RNF217: variants seen among roughly 807,000 people sequenced by gnomAD.
RNF217 encodes E3 ubiquitin-protein ligase RNF217.
RNF217 carries 31 observed loss-of-function variants against 57.8 expected under a neutral mutation model. The observed-to-expected ratio is 0.54, with a 90% CI of 0.40 to 0.72. The LOEUF (loss-of-function observed/expected upper bound fraction) is 0.72, where lower values mean the gene tolerates loss of function less well. RNF217 is among the 30% of genes least tolerant of loss of function. RNF217 has a pLI of 0.00. For missense variants in RNF217, 696 were observed against 708.3 expected (o/e 0.98, Z 0.20); for synonymous variants, 313 against 294.0 (o/e 1.06, Z -0.66).
At chr6:125,049,146 G>A (rs966411286) in intron 2 of RNF217, among the ~76,000 whole-genome samples, 19 of 152,012 alleles carry the variant, frequency 1.2e-4, no homozygotes, top group Middle Eastern at 3.4e-3. Context: ...AACAGCAACC[G>A]CTTATCAATA....
At chr6:125,007,822 A>G (rs1785248666) in intron 1 of RNF217, among the ~76,000 whole-genome samples, 1 of 152,350 alleles carries the variant, frequency 6.6e-6, no homozygotes, top group South Asian at 2.1e-4. Context: ...GTGGATACCT[A>G]AAATCATGGA....
chr6:125,081,592 G>T, intron 5 of RNF217, 85 bp downstream of exon 5: 1 of 1,060,216 alleles, frequency 9.4e-7, no homozygotes, highest in Non-Finnish European at 1.4e-6. Context: ...ATATGAATCA[G>T]TTATTAAGTG....
intron 2 of RNF217, among the ~76,000 whole-genome samples, chr6:125,056,308 C>T (rs1231943241): frequency 6.6e-6 from 1 of 152,058 alleles, no homozygotes; most frequent in Non-Finnish European, 1.5e-5. Context: ...CATCTGTAAA[C>T]TGATGATGTT....
intron 1 of RNF217, among the ~76,000 whole-genome samples, chr6:124,971,754 G>C (rs925280018): frequency 6.6e-6 from 1 of 152,158 alleles, no homozygotes; most frequent in Non-Finnish European, 1.5e-5. Context: ...GCACCCGGCC[G>C]ATTTACTGTT....
chr6:124,980,240 T>G (rs1388260430), intron 1 of RNF217, among the ~76,000 whole-genome samples: 2 of 152,230 alleles, frequency 1.3e-5, no homozygotes, highest in Non-Finnish European at 2.9e-5. Flanking sequence ...ATTGTCAGAA[T>G]CAGTTTTTTC....
At chr6:125,016,118 A>C (rs1785593363) in intron 1 of RNF217, among the ~76,000 whole-genome samples, 1 of 152,300 alleles carries the variant, frequency 6.6e-6, no homozygotes, top group Non-Finnish European at 1.5e-5. Context: ...TCTGGTTAAA[A>C]GAGACTTCAA....
chr6:125,049,182 A>G (rs1787213222), intron 2 of RNF217, among the ~76,000 whole-genome samples: 1 of 152,064 alleles, frequency 6.6e-6, no homozygotes, highest in African/African-American at 2.4e-5. Context: ...TGATGGAGAA[A>G]TAAAAAAATG....
intron 1 of RNF217, among the ~76,000 whole-genome samples, chr6:125,000,966 C>T (rs1364215213): frequency 6.6e-6 from 1 of 152,108 alleles, no homozygotes; most frequent in Non-Finnish European, 1.5e-5. Flanking sequence ...AAATGTCTTT[C>T]AATTACATAT....
At chr6:125,079,782 G>T (rs917964523) in intron 4 of RNF217, among the ~76,000 whole-genome samples, 8 of 152,028 alleles carry the variant, frequency 5.3e-5, no homozygotes, top group Non-Finnish European at 1.2e-4. Flanking sequence ...ATTTAAAATA[G>T]GGAAAAGAAA....
At position 124,963,308 on chromosome 6, in the gene RNF217, A is replaced by G. The variant is rs532413682; in HGVS notation, c.764A>G (p.Tyr255Cys). ...GGCCTGGGCGGTGTAGGGGATCCCT[A>G]TGTGCCCCTCATGGTGCTGATGTGC... ...YSGLGGVGDP[Y>C]VPLMVLMCRV... Residue 255 changes from tyrosine (Y) to cysteine (C), a missense_variant, in exon 1 of 6, where the codon TAT (tyrosine) becomes TGT (cysteine). This residue lies in a region of RNF217 where 465 missense variants were observed against 386.8 expected (regional missense o/e 1.20). Coordinates refer to ENST00000521654, the MANE Select transcript of RNF217 (RefSeq NM_001286398.3). 148 of 1,535,690 alleles carry G rather than the reference A, an allele frequency of 9.6e-5. No homozygotes were observed. The African/African-American group carries it at 1.4e-3, about 14-fold the overall frequency.
At chr6:124,991,441 C>G (rs1784557125) in intron 1 of RNF217, among the ~76,000 whole-genome samples, 1 of 152,308 alleles carries the variant, frequency 6.6e-6, no homozygotes, top group East Asian at 1.9e-4. Context: ...CCTCATCCCC[C>G]CCATACCAGC....
At chr6:125,068,927 T>G (rs536931839) in intron 3 of RNF217, among the ~76,000 whole-genome samples, 1 of 152,136 alleles carries the variant, frequency 6.6e-6, no homozygotes, top group East Asian at 1.9e-4. Context: ...ATGACATGTA[T>G]AATCACAGAG....
At chr6:125,010,196 A>G (rs187534685) in intron 1 of RNF217, among the ~76,000 whole-genome samples, 20 of 152,196 alleles carry the variant, frequency 1.3e-4, no homozygotes, top group African/African-American at 4.8e-4. Flanking sequence ...AGGAATGAAG[A>G]TAGTGTTGTT....
intron 2 of RNF217, among the ~76,000 whole-genome samples, chr6:125,055,405 T>C (rs111778320): frequency 9.8e-5 from 15 of 152,286 alleles, no homozygotes; most frequent in Non-Finnish European, 2.2e-4. Flanking sequence ...AGCGTCAGAT[T>C]CTTTATTATT....
intron 1 of RNF217, among the ~76,000 whole-genome samples, chr6:125,003,340 A>G (rs1414578856): frequency 6.6e-6 from 1 of 152,188 alleles, no homozygotes; most frequent in African/African-American, 2.4e-5. Context: ...ACTGATAGGG[A>G]TTAAAATCCC....
At chr6:125,011,158 T>C (rs1785399908) in intron 1 of RNF217, among the ~76,000 whole-genome samples, 1 of 152,188 alleles carries the variant, frequency 6.6e-6, no homozygotes, top group African/African-American at 2.4e-5. Flanking sequence ...AAGTTTTTCT[T>C]CTTTTAAAGT....
rs548298983 is a variant in RNF217 at position 125,035,258 on chromosome 6, G to A, written c.883-9953G>A. ...TGTTGAATAGGAGTGGTGAGAGAGGGCATCCCTGTCTTGTGCCAGTTTTCA... is the reference window on the plus strand; with the variant it reads ...TGTTGAATAGGAGTGGTGAGAGAGGACATCCCTGTCTTGTGCCAGTTTTCA... On this transcript the variant is annotated intron_variant, in intron 1 of 5. Transcript: ENST00000521654. Among the ~76,000 whole-genome samples, 545 of 151,994 alleles carry A rather than the reference G, an allele frequency of 3.6e-3. 10 individuals carry two copies. The highest frequency in any genetic ancestry group is 0.013 in the African/African-American group (529 of 41,454).
In RNF217 at chr6:125,083,859, C is replaced by A. The variant is rs1452959262; in HGVS notation, c.*922C>A. On this transcript the variant is annotated 3_prime_UTR_variant, in exon 6 of 6. Transcript: ENST00000521654. ...GGCTGCTTTTAGGAAATTCTCAAGA[C>A]ACAAATATTCAGTCTTTTTAAAATT... The A allele has an allele frequency of 5.3e-5, 8 of 152,044 alleles. No homozygotes were observed. Among genetic ancestry groups the A allele is most frequent in the Non-Finnish European group, 1.2e-4 (8 of 67,972 alleles). 9.4% of individuals were successfully genotyped at this position (152,044 alleles called of 1,614,324 possible).
chr6:125,008,709 T>A (rs186346447), intron 1 of RNF217: 20 of 151,994 alleles, frequency 1.3e-4, no homozygotes, highest in African/African-American at 4.8e-4. Context: ...CCCCAGCTTG[T>A]ATCTATCTGG....
Sources: gnomAD v4.1 joint callset for allele counts (sites outside exome capture counted in the v4.1 genomes callset) on GRCh38, gnomAD v4.1.1 for gene constraint, gnomAD v4.1.1 regional missense constraint, MANE v1.5 for transcripts, NCBI Gene and HGNC (gene_info 2026-07-23, HGNC 2026-07-21) for gene names.